RPRD2: variants seen among roughly 807,000 people sequenced by gnomAD.
The protein encoded by RPRD2 is regulation of nuclear pre-mRNA domain containing 2.
A neutral mutation model predicts 104.4 loss-of-function variants in RPRD2; 12 were observed. The observed-to-expected ratio is 0.11, with a 90% CI of 0.07 to 0.19. RPRD2 has a LOEUF of 0.19. Ranked by LOEUF, RPRD2 falls within the 10% of genes least tolerant of loss-of-function variation. The pLI, the probability that RPRD2 is intolerant of heterozygous loss-of-function variation, is 1.00. For synonymous variants in RPRD2, 714 were observed against 684.9 expected (o/e 1.04, Z -0.66); for missense variants, 1,543 against 1,790.1 (o/e 0.86, Z 2.49).
chr1:150,402,027 T>TC (rs1215240782), intron 1 of RPRD2, among the ~76,000 whole-genome samples: 7 of 150,906 alleles, frequency 4.6e-5, no homozygotes, highest in Non-Finnish European at 8.8e-5. Flanking sequence ...TGGCACAATC[T>TC]CGGCTCACTG....
chr1:150,428,633 C>T (rs1665335942), intron 2 of RPRD2, among the ~76,000 whole-genome samples: 2 of 152,016 alleles, frequency 1.3e-5, no homozygotes, highest in Admixed American at 1.3e-4. Flanking sequence ...GTGTGTGCTA[C>T]CTGGCCTGAG....
chr1:150,392,110 C>T (rs1370204814), intron 1 of RPRD2, among the ~76,000 whole-genome samples: 4 of 146,688 alleles, frequency 2.7e-5, no homozygotes, highest in African/African-American at 5.1e-5. Context: ...TCGCTTGAAC[C>T]GGGAGGCGGA....
intron 2 of RPRD2, among the ~76,000 whole-genome samples, chr1:150,428,317 G>C (rs1192336778): frequency 6.6e-6 from 1 of 151,958 alleles, no homozygotes; most frequent in Admixed American, 6.6e-5. Flanking sequence ...GCTGGGTGTG[G>C]TGGCGGGCGC....
chr1:150,402,209 C>T (rs1425663549), intron 1 of RPRD2, among the ~76,000 whole-genome samples: 2 of 151,704 alleles, frequency 1.3e-5, no homozygotes, highest in Admixed American at 1.3e-4. Flanking sequence ...CCACTGGCCT[C>T]GGCCTCTGAA....
chr1:150,460,383 G>C (rs1376931227), intron 9 of RPRD2, 66 bp downstream of exon 9: 2 of 1,426,582 alleles, frequency 1.4e-6, no homozygotes, highest in Non-Finnish European at 1.9e-6. Flanking sequence ...TCATTAATCT[G>C]TTTTTGGGGG....
At chr1:150,419,183 A>G (rs1296879695) in intron 2 of RPRD2, among the ~76,000 whole-genome samples, 2 of 152,130 alleles carry the variant, frequency 1.3e-5, no homozygotes, top group Non-Finnish European at 2.9e-5. Context: ...TTTGTGTTGC[A>G]TCCATATTTG....
chr1:150,428,532 C>T (rs1228598688), intron 2 of RPRD2, among the ~76,000 whole-genome samples: 3 of 151,000 alleles, frequency 2.0e-5, no homozygotes, highest in African/African-American at 7.3e-5. Flanking sequence ...TAAGTATTGA[C>T]TGCCTCTCTC....
chr1:150,466,679 C>T (rs587749152), intron 10 of RPRD2, among the ~76,000 whole-genome samples: 11 of 152,046 alleles, frequency 7.2e-5, no homozygotes, highest in African/African-American at 2.7e-4. Context: ...TTTTCACCTA[C>T]CTATAATCTC....
At chr1:150,384,958 A>C (rs1661455592) in intron 1 of RPRD2, among the ~76,000 whole-genome samples, 1 of 152,020 alleles carries the variant, frequency 6.6e-6, no homozygotes, top group African/African-American at 2.4e-5. Context: ...AAAGGCTATA[A>C]GGCATGATGA....
chr1:150,454,803 G>A (rs11802612), intron 7 of RPRD2, among the ~76,000 whole-genome samples: 18,244 of 151,960 alleles, frequency 0.12, 1,547 homozygotes, highest in African/African-American at 0.23. Context: ...AGCTCTGATC[G>A]TGCCACTACA....
intron 2 of RPRD2, among the ~76,000 whole-genome samples, chr1:150,434,571 T>A (rs1665866346): frequency 6.6e-6 from 1 of 152,036 alleles, no homozygotes; most frequent in Non-Finnish European, 1.5e-5. Context: ...ATCCCAACAC[T>A]TTGGGAGGCC....
intron 1 of RPRD2, among the ~76,000 whole-genome samples, chr1:150,397,007 T>C (rs1662580749): frequency 6.6e-6 from 1 of 152,220 alleles, no homozygotes; most frequent in Admixed American, 6.5e-5. Flanking sequence ...AGAGTCTTGC[T>C]CTGTCGCCCA....
intron 2 of RPRD2, among the ~76,000 whole-genome samples, chr1:150,418,360 T>C (rs1367735870): frequency 6.6e-6 from 1 of 152,226 alleles, no homozygotes; most frequent in East Asian, 1.9e-4. Context: ...TGATAATCTC[T>C]GAATGTGCTT....
chr1:150,445,174 T>C (rs1553895317), intron 6 of RPRD2, among the ~76,000 whole-genome samples: 1 of 152,114 alleles, frequency 6.6e-6, no homozygotes, highest in Admixed American at 6.6e-5. Flanking sequence ...GAAGAGACCG[T>C]CTCTAAAGAA....
intron 2 of RPRD2, among the ~76,000 whole-genome samples, chr1:150,435,798 G>A (rs1393814279): frequency 3.3e-5 from 5 of 152,332 alleles, no homozygotes; most frequent in Middle Eastern, 3.4e-3. Context: ...CATGAAGGTG[G>A]CTCCAGTAAT....
intron 2 of RPRD2, among the ~76,000 whole-genome samples, chr1:150,432,339 C>G (rs1300695479): frequency 6.6e-6 from 1 of 151,812 alleles, no homozygotes; most frequent in Non-Finnish European, 1.5e-5. Flanking sequence ...TAAAGGTTAT[C>G]AGGAGCTGGG....
At chr1:150,409,683 C>G (rs1260388642) in intron 1 of RPRD2, among the ~76,000 whole-genome samples, 1 of 131,030 alleles carries the variant, frequency 7.6e-6, no homozygotes, top group Non-Finnish European at 1.6e-5. Context: ...GAGTCTTGCT[C>G]TTTCACCCAG....
Position 150,464,537 on chromosome 1 carries a change from T to G in RPRD2, c.1422T>G (p.Pro474=). 1.3e-6 allele frequency: 2 copies of G among 1,599,586 alleles called. No individual in the cohort carries two copies. Among genetic ancestry groups the G allele is most frequent in the Non-Finnish European group, 1.7e-6 (2 of 1,173,008 alleles). Residue 474 remains proline, a synonymous_variant, in exon 10 of 11, where the codon CCT becomes CCG. Transcript: ENST00000369068. ...TSVMKNTGVS[P]ASRPSPGTPT... ...TCTTTCTGCCACCAGGGGTCAGTCC[T>G]GCATCAAGACCTTCTCCAGGAACGC...
At position 150,471,015 on chromosome 1, in the gene RPRD2, C is replaced by A; in HGVS notation, c.2067C>A (p.Ile689=). 1.2e-6 allele frequency: 2 copies of A among 1,614,038 alleles called. No individual in the cohort carries two copies. The highest frequency in any genetic ancestry group is 1.7e-6 in the Non-Finnish European group (2 of 1,179,904). Residue 689 remains isoleucine, a synonymous_variant, in exon 11 of 11, where the codon ATC becomes ATA. Coordinates refer to ENST00000369068, the MANE Select transcript of RPRD2 (RefSeq NM_015203.5). This position sits in a 1 kb window ranked among gnomAD's most constrained non-coding sequence, Gnocchi z 5.3. Reference sequence around the variant, plus strand: ...GTTTCAGTGGCTTAAACTTAAACATCCCAATCCTGAGCAGTTTGGGGTCCA... The same window carrying A: ...GTTTCAGTGGCTTAAACTTAAACATACCAATCCTGAGCAGTTTGGGGTCCA... The part of the protein sequence containing the change: ...NPGFSGLNLN[I]PILSSLGSSA...
Sources: gnomAD v4.1 joint callset for allele counts (sites outside exome capture counted in the v4.1 genomes callset) on GRCh38, gnomAD v4.1.1 for gene constraint, Gnocchi (gnomAD v3.1) non-coding constraint, MANE v1.5 for transcripts, NCBI Gene and HGNC (gene_info 2026-07-23, HGNC 2026-07-21) for gene names.